USP24: variants seen among roughly 807,000 people sequenced by gnomAD.
The protein encoded by USP24 is ubiquitin carboxyl-terminal hydrolase 24.
USP24 carries 97 observed loss-of-function variants against 361.6 expected under a neutral mutation model. The ratio of observed to expected loss-of-function variants is 0.27; its 90% CI spans 0.23 to 0.32. USP24 has a LOEUF of 0.32. USP24 is among the 10% of genes least tolerant of loss of function. USP24 has a pLI of 1.00. For missense variants in USP24, 2,353 were observed against 3,165.6 expected (o/e 0.74, Z 6.16); for synonymous variants, 1,098 against 1,124.6 (o/e 0.98, Z 0.47).
chr1:55,156,575 A>T (rs1162958505), intron 12 of USP24, among the ~76,000 whole-genome samples: 1 of 152,132 alleles, frequency 6.6e-6, no homozygotes, highest in Non-Finnish European at 1.5e-5. Context: ...CTCACCAATC[A>T]TCTTTATTTA....
At chr1:55,110,520 C>T (rs1645918436) in intron 38 of USP24, among the ~76,000 whole-genome samples, 1 of 152,154 alleles carries the variant, frequency 6.6e-6, no homozygotes, top group Admixed American at 6.5e-5. Context: ...GTAATACACT[C>T]ATTACATTCA....
chr1:55,207,364 G>C (rs1002225730), intron 1 of USP24, among the ~76,000 whole-genome samples: 7 of 151,612 alleles, frequency 4.6e-5, no homozygotes, highest in Non-Finnish European at 8.8e-5. Context: ...GAAAAGTCTT[G>C]GATTTGAATT....
At chr1:55,104,096 T>A (rs1040895975) in intron 41 of USP24, 76 bp from the exon 42 acceptor site, 11 of 1,484,168 alleles carry the variant, frequency 7.4e-6, no homozygotes, top group Admixed American at 6.9e-5. Flanking sequence ...AATCAACAGT[T>A]GAAATGAAAG....
chr1:55,160,528 G>C (rs1648165268), intron 8 of USP24, among the ~76,000 whole-genome samples: 1 of 152,298 alleles, frequency 6.6e-6, no homozygotes. Flanking sequence ...AGAGTCTTCT[G>C]AAGTCATACA....
Position 55,158,888 on chromosome 1 carries a change from G to T in USP24, c.1217C>A (p.Ser406Tyr). 1 of 1,519,810 alleles carries T rather than the reference G, an allele frequency of 6.6e-7. No homozygotes were observed. Among genetic ancestry groups the T allele is most frequent in the Non-Finnish European group, 8.9e-7 (1 of 1,127,608 alleles). The allele number at this position is 1,519,810 out of a possible 1,614,324, so 94.1% of individuals were successfully genotyped here. The change falls in exon 10 of 68, where the codon TCT becomes TAT. Residue 406 changes from serine to tyrosine, a missense_variant. Transcript: ENST00000294383. ...KSPHFSAKMN[S>Y]LKEVTKLIED... ...AAATGAAAAACTTACTTCTTTGAGA[G>T]AATTCATCTTAGCACTGAAATGTGG...
chr1:55,170,509 C>T (rs1649335356), intron 5 of USP24, among the ~76,000 whole-genome samples: 4 of 152,098 alleles, frequency 2.6e-5, no homozygotes, highest in Admixed American at 2.6e-4. Context: ...AGACTAGCTG[C>T]CTGCATGGGT....
At chr1:55,140,972 C>G (rs1376497752) in intron 24 of USP24, among the ~76,000 whole-genome samples, 3 of 152,150 alleles carry the variant, frequency 2.0e-5, no homozygotes, top group Non-Finnish European at 4.4e-5. Flanking sequence ...TCATCAATAT[C>G]TGAAAACTCA....
chr1:55,176,589 T>C, intron 2 of USP24, 146 bp from the exon 3 acceptor site: 1 of 681,768 alleles, frequency 1.5e-6, no homozygotes, highest in Non-Finnish European at 2.4e-6. Flanking sequence ...CATATGGAAC[T>C]ATGTCATAGG....
chr1:55,073,671 G>A (rs1409684568), intron 64 of USP24, among the ~76,000 whole-genome samples, 157 bp downstream of exon 64: 2 of 151,918 alleles, frequency 1.3e-5, no homozygotes, highest in Admixed American at 6.6e-5. Flanking sequence ...ATATTTTTTT[G>A]AGATCATGCA....
chr1:55,142,630 T>C, intron 23 of USP24, 112 bp downstream of exon 23: 1 of 779,690 alleles, frequency 1.3e-6, no homozygotes. Flanking sequence ...GATAAATTCT[T>C]CAATAGGATC....
In USP24 at chr1:55,096,992, C is replaced by T. The variant is rs1645510240; in HGVS notation, c.5896G>A (p.Ala1966Thr). 1 of 1,613,724 alleles carries T rather than the reference C, an allele frequency of 6.2e-7. No individual in the cohort carries two copies. ...LVGVIVHSGQAHAGHYYSFIK... is the reference protein window; with the variant it reads ...LVGVIVHSGQTHAGHYYSFIK... ...AAGGAATAGTAGTGGCCTGCGTGTG[C>T]CTGCCCACTGTGTACGATGACACCG... is the stretch of plus-strand genomic sequence containing the variant. The change falls in exon 49 of 68, where the codon GCA becomes ACA. Residue 1966 changes from alanine (A) to threonine (T), a missense_variant. This residue lies in a region of USP24 where 598 missense variants were observed against 761.9 expected (regional missense o/e 0.78). Transcript: ENST00000294383.
chr1:55,100,234 C>T (rs778834729), intron 44 of USP24, among the ~76,000 whole-genome samples: 34 of 152,226 alleles, frequency 2.2e-4, no homozygotes, highest in Non-Finnish European at 4.4e-4. Context: ...TGGTGTCTCA[C>T]GCCTGTAATC....
At chr1:55,177,104 A>C (rs964294844) in intron 2 of USP24, among the ~76,000 whole-genome samples, 3 of 151,498 alleles carry the variant, frequency 2.0e-5, no homozygotes, top group African/African-American at 7.3e-5. Context: ...CAAAAAAAAA[A>C]AAACAACAAA....
intron 31 of USP24, among the ~76,000 whole-genome samples, chr1:55,131,309 G>A (rs778145405): frequency 6.6e-6 from 1 of 152,096 alleles, no homozygotes; most frequent in Non-Finnish European, 1.5e-5. Context: ...CAGTATGCAC[G>A]AAAATGTAAA....
At chr1:55,071,349 T>G in intron 67 of USP24, 1 of 992,276 alleles carries the variant, frequency 1.0e-6, no homozygotes, top group Non-Finnish European at 1.2e-6. Context: ...AGCTGTTTTT[T>G]TTTCTTTTTT....
intron 24 of USP24, among the ~76,000 whole-genome samples, chr1:55,139,566 A>G (rs1286248950): frequency 6.6e-6 from 1 of 152,218 alleles, no homozygotes; most frequent in Non-Finnish European, 1.5e-5. Context: ...AATATTCATC[A>G]GCTTATATAG....
At chr1:55,128,263 T>C (rs1241969930) in intron 32 of USP24, among the ~76,000 whole-genome samples, 1 of 152,178 alleles carries the variant, frequency 6.6e-6, no homozygotes, top group Non-Finnish European at 1.5e-5. Flanking sequence ...TACTGTCAGC[T>C]CTCAGTCTAC....
intron 67 of USP24, 67 bp downstream of exon 67, chr1:55,071,747 A>C: frequency 6.8e-7 from 1 of 1,469,546 alleles, no homozygotes; most frequent in Non-Finnish European, 9.3e-7. Flanking sequence ...TCAGCTGTGG[A>C]AATTCTTTTT....
At chr1:55,199,400 G>A (rs952426908) in intron 1 of USP24, among the ~76,000 whole-genome samples, 4 of 152,204 alleles carry the variant, frequency 2.6e-5, no homozygotes, top group Non-Finnish European at 5.9e-5. Flanking sequence ...GGATATTGCA[G>A]TATAAGTGGA....
Sources: gnomAD v4.1 joint callset for allele counts (sites outside exome capture counted in the v4.1 genomes callset) on GRCh38, gnomAD v4.1.1 for gene constraint, gnomAD v4.1.1 regional missense constraint, MANE v1.5 for transcripts, NCBI Gene and HGNC (gene_info 2026-07-23, HGNC 2026-07-21) for gene names.